PPM1L: variants seen among roughly 807,000 people sequenced by gnomAD.
The protein encoded by PPM1L is protein phosphatase, Mg2+/Mn2+ dependent 1L.
Under a neutral mutation model 31.4 loss-of-function variants are expected in PPM1L, and 13 were observed. The ratio of observed to expected loss-of-function variants is 0.41; its 90% CI spans 0.27 to 0.66. The LOEUF (loss-of-function observed/expected upper bound fraction) is 0.66, where lower values mean the gene tolerates loss of function less well. Ranked by LOEUF, PPM1L falls within the 30% of genes least tolerant of loss-of-function variation. The pLI is 0.29. For missense variants in PPM1L, 326 were observed against 453.7 expected, an observed-to-expected ratio of 0.72 and a Z score of 2.56; for synonymous variants, 184 against 175.4, an observed-to-expected ratio of 1.05 and a Z score of -0.39.
chr3:160,930,183 C>T (rs773990449), intron 1 of PPM1L, among the ~76,000 whole-genome samples: 9 of 151,950 alleles, frequency 5.9e-5, no homozygotes, highest in Non-Finnish European at 1.2e-4. Flanking sequence ...CAAATGTACA[C>T]GTGGGCCTGG....
chr3:160,963,826 G>A (rs1562464), intron 2 of PPM1L, among the ~76,000 whole-genome samples: 42,363 of 151,764 alleles, frequency 0.28, 6,491 homozygotes, highest in East Asian at 0.6. Flanking sequence ...GCTTGCACAT[G>A]GCTTTTAGGG....
Position 160,756,408 on chromosome 3 carries a change from G to A in PPM1L, c.100G>A (p.Ala34Thr). 6.2e-7 allele frequency: 1 copy of A among 1,614,206 alleles called. No individual in the cohort carries two copies. The highest frequency in any genetic ancestry group is 8.5e-7 in the Non-Finnish European group (1 of 1,180,030). Residue 34 changes from alanine to threonine, a missense_variant, in exon 1 of 4, where the codon GCT (alanine) becomes ACT (threonine). Physicochemically the swap from Ala to Thr is moderately conservative, Grantham distance 58 (BLOSUM62 0). Transcript: ENST00000498165. This position sits in a 1 kb window ranked among gnomAD's most constrained non-coding sequence, Gnocchi z 6.2. ...ETLFLLCISL[A>T]LWSYFFHTDE... is the part of the protein sequence containing the mutation. ...GCTTTTCCTGCTGTGCATCAGCTTG[G>A]CTCTATGGAGTTACTTCTTCCACAC... is the stretch of plus-strand genomic sequence containing the variant.
At chr3:160,995,981 C>T (rs1456224637) in intron 2 of PPM1L, among the ~76,000 whole-genome samples, 3 of 152,062 alleles carry the variant, frequency 2.0e-5, no homozygotes, top group African/African-American at 7.2e-5. Context: ...GGGCTAAGGA[C>T]ATGAATAGAC....
chr3:160,767,788 G>A (rs1715143735), intron 1 of PPM1L, among the ~76,000 whole-genome samples: 1 of 151,950 alleles, frequency 6.6e-6, no homozygotes, highest in African/African-American at 2.4e-5. Context: ...TCTAAAATAT[G>A]GTATAAAATT....
intron 2 of PPM1L, among the ~76,000 whole-genome samples, chr3:161,018,313 G>T (rs562352251): frequency 2.0e-5 from 3 of 152,154 alleles, no homozygotes; most frequent in Admixed American, 6.5e-5. Context: ...AAATAAATTG[G>T]CCCTAAATAA....
intron 2 of PPM1L, among the ~76,000 whole-genome samples, chr3:160,983,846 G>C (rs547036891): frequency 6.6e-6 from 1 of 152,278 alleles, no homozygotes; most frequent in South Asian, 2.1e-4. Flanking sequence ...CAGGTTCCAT[G>C]ATGTCCCCCA....
At chr3:161,030,691 G>A (rs1718538625) in intron 2 of PPM1L, among the ~76,000 whole-genome samples, 2 of 151,894 alleles carry the variant, frequency 1.3e-5, no homozygotes, top group Admixed American at 1.3e-4. Context: ...CAATATTTTT[G>A]CTTCCAAATA....
At chr3:160,949,172 G>GA (rs1355738106) in intron 1 of PPM1L, among the ~76,000 whole-genome samples, 1 of 152,106 alleles carries the variant, frequency 6.6e-6, no homozygotes. Context: ...GAATTTTGTA[G>GA]AAAAAACCGA....
At chr3:160,792,365 A>G (rs527913965) in intron 1 of PPM1L, among the ~76,000 whole-genome samples, 146 of 152,312 alleles carry the variant, frequency 9.6e-4, no homozygotes, top group African/African-American at 3.4e-3. Flanking sequence ...TCTGATGGTG[A>G]TTTGGTAGCT....
intron 1 of PPM1L, among the ~76,000 whole-genome samples, chr3:160,782,511 G>A (rs1353598866): frequency 2.0e-5 from 3 of 152,096 alleles, no homozygotes; most frequent in African/African-American, 7.2e-5. Flanking sequence ...AAATTCTTCT[G>A]GGCTATGTGG....
intron 2 of PPM1L, among the ~76,000 whole-genome samples, chr3:161,061,125 G>GT (rs1008016936): frequency 3.3e-5 from 5 of 152,116 alleles, no homozygotes; most frequent in African/African-American, 1.2e-4. Flanking sequence ...AGCCCAAACA[G>GT]TAAGTTTTTT....
chr3:160,969,447 A>T (rs1321039038), intron 2 of PPM1L, among the ~76,000 whole-genome samples: 1 of 152,162 alleles, frequency 6.6e-6, no homozygotes, highest in African/African-American at 2.4e-5. Context: ...GTCATGGGGG[A>T]AAAAATTGAA....
chr3:160,955,382 G>A (rs1715735944), intron 1 of PPM1L, among the ~76,000 whole-genome samples: 2 of 151,848 alleles, frequency 1.3e-5, no homozygotes, highest in African/African-American at 2.4e-5. Context: ...ATTTTTCTGT[G>A]TTCCCTCCTA....
At chr3:161,007,951 C>T (rs1021139435) in intron 2 of PPM1L, among the ~76,000 whole-genome samples, 1 of 152,070 alleles carries the variant, frequency 6.6e-6, no homozygotes, top group Non-Finnish European at 1.5e-5. Context: ...TGTCGGGGCT[C>T]AAAAATGATA....
intron 1 of PPM1L, among the ~76,000 whole-genome samples, chr3:160,946,983 G>T (rs1279932931): frequency 2.6e-5 from 4 of 152,110 alleles, no homozygotes; most frequent in African/African-American, 4.8e-5. Context: ...CTATAGCAAA[G>T]AATCAAAATG....
At chr3:161,027,609 G>A (rs1020718144) in intron 2 of PPM1L, among the ~76,000 whole-genome samples, 11 of 152,076 alleles carry the variant, frequency 7.2e-5, no homozygotes, top group Admixed American at 2.0e-4. Context: ...ACCTGCCCCC[G>A]TGATCCAATT....
At chr3:160,946,111 C>T (rs1044020590) in intron 1 of PPM1L, among the ~76,000 whole-genome samples, 1 of 152,056 alleles carries the variant, frequency 6.6e-6, no homozygotes, top group Admixed American at 6.6e-5. Context: ...TAAGGGTCAA[C>T]TGTAAAAGGA....
At chr3:160,847,210 A>G (rs537120801) in intron 1 of PPM1L, among the ~76,000 whole-genome samples, 1 of 152,276 alleles carries the variant, frequency 6.6e-6, no homozygotes, top group African/African-American at 2.4e-5. Context: ...TTTCATATTA[A>G]TGTTTGAGAC....
intron 1 of PPM1L, among the ~76,000 whole-genome samples, chr3:160,959,281 C>A (rs1294861033): frequency 7.0e-6 from 1 of 142,520 alleles, no homozygotes; most frequent in Non-Finnish European, 1.5e-5. Flanking sequence ...ATATAATGGA[C>A]TTTGGGGACA....
Sources: allele counts gnomAD v4.1 joint callset (sites outside exome capture counted in the v4.1 genomes callset), GRCh38; gene constraint gnomAD v4.1.1; non-coding constraint Gnocchi (gnomAD v3.1); transcripts MANE v1.5; gene names NCBI Gene and HGNC (gene_info 2026-07-23, HGNC 2026-07-21).